SRPK2: variants seen among roughly 807,000 people sequenced by gnomAD.
SRPK2 encodes SFRS protein kinase 2.
SRPK2 carries 21 observed loss-of-function variants against 90.8 expected under a neutral mutation model. The ratio of observed to expected loss-of-function variants is 0.23; its 90% CI spans 0.16 to 0.33. The LOEUF (loss-of-function observed/expected upper bound fraction) is 0.33. SRPK2 is among the 10% of genes least tolerant of loss of function. The probability of loss-of-function intolerance (pLI) is 1.00; values close to 1 mark genes in which losing one functional copy is unlikely to be tolerated. For synonymous variants in SRPK2, 288 were observed against 311.1 expected (o/e 0.93, Z 0.78); for missense variants, 620 against 869.0 (o/e 0.71, Z 3.60).
chr7:105,329,028 T>C (rs1238424215), intron 2 of SRPK2, among the ~76,000 whole-genome samples: 2 of 151,804 alleles, frequency 1.3e-5, no homozygotes, highest in Non-Finnish European at 2.9e-5. Flanking sequence ...AAAAATAAAA[T>C]AAATATTTTT....
Position 105,312,806 on chromosome 7 carries a change from T to C in SRPK2, c.71+75842A>G, listed in dbSNP as rs148917462. ...TATACAAACAGTTGATATGGGAATATTTATCTTTTCTGTAGAAATGAGGTC... is the reference window on the plus strand; with the variant it reads ...TATACAAACAGTTGATATGGGAATACTTATCTTTTCTGTAGAAATGAGGTC... On this transcript the variant is annotated intron_variant, in intron 2 of 15. Coordinates refer to ENST00000393651, the MANE Select transcript of SRPK2 (RefSeq NM_182692.3). Among the ~76,000 whole-genome samples, 31 of 152,284 alleles carry C rather than the reference T, an allele frequency of 2.0e-4. 2 individuals are homozygous for C. The highest frequency in any genetic ancestry group is 7.0e-4 in the African/African-American group (29 of 41,570).
At chr7:105,253,320 G>T (rs951416356) in intron 2 of SRPK2, among the ~76,000 whole-genome samples, 3 of 152,126 alleles carry the variant, frequency 2.0e-5, no homozygotes, top group African/African-American at 7.2e-5. Flanking sequence ...AGCCTTCCAT[G>T]CTAGGGGGAA....
chr7:105,338,187 A>T (rs78798664), intron 2 of SRPK2, among the ~76,000 whole-genome samples: 2,168 of 152,304 alleles, frequency 0.014, 49 homozygotes, highest in African/African-American at 0.049. Context: ...CAAAAATAAA[A>T]GGTGAGTAGA....
At position 105,287,037 on chromosome 7, in the gene SRPK2, G is replaced by A. The variant is rs548897894; in HGVS notation, c.72-83252C>T. On this transcript the variant is annotated intron_variant, in intron 2 of 15. Transcript: ENST00000393651. ...AGCACTTTGGGAGGCCGAGGCGGGC[G>A]GATCACGAGGTCAGGAGATCGAGAC... Among the ~76,000 whole-genome samples, 11 of 150,810 alleles carry A rather than the reference G, an allele frequency of 7.3e-5. No homozygotes were observed. In the South Asian group the frequency reaches 8.4e-4, roughly 12 times the overall value.
chr7:105,263,927 C>A (rs1290459273), intron 2 of SRPK2, among the ~76,000 whole-genome samples: 1 of 152,148 alleles, frequency 6.6e-6, no homozygotes, highest in East Asian at 1.9e-4. Flanking sequence ...CATTAAGGAA[C>A]AAGTACACCT....
intron 2 of SRPK2, among the ~76,000 whole-genome samples, chr7:105,377,450 T>TG (rs1820436606): frequency 1.3e-5 from 2 of 151,728 alleles, no homozygotes; most frequent in African/African-American, 2.4e-5. Flanking sequence ...CCCAGCACTT[T>TG]GGGGGGCGGA....
intron 2 of SRPK2, among the ~76,000 whole-genome samples, chr7:105,250,497 T>C (rs1445562945): frequency 6.6e-6 from 1 of 152,154 alleles, no homozygotes; most frequent in Non-Finnish European, 1.5e-5. Flanking sequence ...TCACTGTAAT[T>C]TCACATTTGG....
chr7:105,232,566 C>CA (rs1344961963), intron 2 of SRPK2, among the ~76,000 whole-genome samples: 1 of 150,350 alleles, frequency 6.7e-6, no homozygotes, highest in Admixed American at 6.6e-5. Flanking sequence ...TATCATTATT[C>CA]AAACACTTGT....
chr7:105,158,065 A>AAAAAAC (rs1806797382), intron 7 of SRPK2, among the ~76,000 whole-genome samples: 2 of 152,144 alleles, frequency 1.3e-5, no homozygotes, highest in African/African-American at 4.8e-5. Flanking sequence ...ACCCTGTCTC[A>AAAAAAC]AAAAACAAAA....
chr7:105,244,186 G>A (rs1801245672), intron 2 of SRPK2, among the ~76,000 whole-genome samples: 1 of 152,232 alleles, frequency 6.6e-6, no homozygotes, highest in South Asian at 2.1e-4. Flanking sequence ...AGAACACAGA[G>A]AAGTTGGGGT....
intron 2 of SRPK2, among the ~76,000 whole-genome samples, chr7:105,313,519 G>A (rs1811963224): frequency 6.6e-6 from 1 of 151,804 alleles, no homozygotes; most frequent in African/African-American, 2.4e-5. Flanking sequence ...GGAGGCCGAG[G>A]TGGGTGGAAT....
chr7:105,168,690 A>C (rs1467572825), intron 4 of SRPK2, among the ~76,000 whole-genome samples: 1 of 148,884 alleles, frequency 6.7e-6, no homozygotes, highest in African/African-American at 2.5e-5. Flanking sequence ...AATAGTGAAA[A>C]CCATTCTCTT....
At chr7:105,337,372 T>C (rs1195187613) in intron 2 of SRPK2, among the ~76,000 whole-genome samples, 1 of 151,494 alleles carries the variant, frequency 6.6e-6, no homozygotes, top group Non-Finnish European at 1.5e-5. Flanking sequence ...TGGAGTGCAA[T>C]GGCACAATCT....
At chr7:105,388,958 A>G (rs2132869611), upstream of SRPK2, 1 of 1,150,598 alleles carries the variant, frequency 8.7e-7, no homozygotes, top group Non-Finnish European at 1.1e-6. Context: ...GCAGGGACCC[A>G]GCAAGACCCG....
intron 3 of SRPK2, among the ~76,000 whole-genome samples, chr7:105,176,277 C>G (rs1394571544): frequency 6.6e-6 from 1 of 152,098 alleles, no homozygotes; most frequent in Non-Finnish European, 1.5e-5. Context: ...ATGAAACATT[C>G]ATTCTTGATC....
intron 3 of SRPK2, among the ~76,000 whole-genome samples, chr7:105,170,796 GGAGGGAGGGAGA>G (rs1790756776): frequency 1.1e-5 from 1 of 93,158 alleles, no homozygotes; most frequent in South Asian, 5.1e-4. Context: ...AGGGAGGGAG[GGAGGGAGGGAGA>G]GAGAGAGGGA....
chr7:105,259,836 T>G (rs1019338645), intron 2 of SRPK2, among the ~76,000 whole-genome samples: 1 of 152,098 alleles, frequency 6.6e-6, no homozygotes, highest in Admixed American at 6.5e-5. Flanking sequence ...TAGCCATATG[T>G]AGAAAGCTGA....
intron 2 of SRPK2, chr7:105,205,950 G>C (rs768073546): frequency 5.8e-6 from 3 of 516,282 alleles, no homozygotes; most frequent in Non-Finnish European, 1.2e-5. Context: ...CACACACATT[G>C]AGTTTGCTGT....
At chr7:105,226,380 C>A (rs913105082) in intron 2 of SRPK2, among the ~76,000 whole-genome samples, 2 of 152,094 alleles carry the variant, frequency 1.3e-5, no homozygotes, top group Non-Finnish European at 2.9e-5. Context: ...ACCTCCACCT[C>A]CAGGGTTCAA....
Sources: gnomAD v4.1 joint callset for allele counts (sites outside exome capture counted in the v4.1 genomes callset) on GRCh38, gnomAD v4.1.1 for gene constraint, MANE v1.5 for transcripts, NCBI Gene and HGNC (gene_info 2026-07-23, HGNC 2026-07-21) for gene names.